BAZ2B: variants seen among roughly 807,000 people sequenced by gnomAD.
The protein encoded by BAZ2B is bromodomain adjacent to zinc finger domain protein 2B.
Under a neutral mutation model 246.0 loss-of-function variants are expected in BAZ2B, and 91 were observed. The observed-to-expected ratio is 0.37, with a 90% CI of 0.31 to 0.44. The LOEUF (loss-of-function observed/expected upper bound fraction) is 0.44. Among genes scored for constraint, BAZ2B ranks in the 20% least tolerant of loss-of-function variants. The pLI is 1.00. For synonymous variants in BAZ2B, 855 were observed against 860.0 expected (o/e 0.99, Z 0.10); for missense variants, 2,332 against 2,533.7 (o/e 0.92, Z 1.71).
chr2:159,553,554 C>T (rs2088650813), intron 2 of BAZ2B, among the ~76,000 whole-genome samples: 2 of 151,670 alleles, frequency 1.3e-5, no homozygotes, highest in South Asian at 2.1e-4. Flanking sequence ...TAAAAGGAAC[C>T]GAGCAATGCT....
chr2:159,701,202 G>A, the BAZ2B span, among the ~76,000 whole-genome samples: 5 of 152,126 alleles, frequency 3.3e-5, no homozygotes, highest in Admixed American at 2.6e-4. Flanking sequence ...TCTAGTGTCT[G>A]AGTCACAAAC....
At chr2:159,689,775 C>A in the BAZ2B span, 2 of 506,922 alleles carry the variant, frequency 3.9e-6, no homozygotes, top group Non-Finnish European at 7.1e-6. Context: ...TTATTGACCA[C>A]TTCTTTCAAG....
the BAZ2B span, among the ~76,000 whole-genome samples, chr2:159,632,572 G>C: frequency 0.54 from 82,723 of 152,000 alleles, 23,383 homozygotes; most frequent in East Asian, 0.74. Flanking sequence ...GTGCTACTGT[G>C]CATCTCGTCC....
At chr2:159,490,900 C>T (rs567301515) in intron 2 of BAZ2B, among the ~76,000 whole-genome samples, 19 of 152,196 alleles carry the variant, frequency 1.2e-4, no homozygotes, top group Admixed American at 2.6e-4. Flanking sequence ...TCTCCATTAA[C>T]GTAGGCAAGA....
At chr2:159,477,322 A>T (rs2078709104) in intron 3 of BAZ2B, among the ~76,000 whole-genome samples, 2 of 151,788 alleles carry the variant, frequency 1.3e-5, no homozygotes, top group South Asian at 2.1e-4. Context: ...TAAAAAAATT[A>T]AAAAATATAT....
chr2:159,613,103 T>C (rs981429526), intron 1 of BAZ2B, among the ~76,000 whole-genome samples: 1 of 152,132 alleles, frequency 6.6e-6, no homozygotes, highest in South Asian at 2.1e-4. Context: ...ATTCTAAAAA[T>C]TGTAAATAAA....
At chr2:159,380,009 T>TAC (rs35151742) in intron 25 of BAZ2B, among the ~76,000 whole-genome samples, 23,444 of 150,574 alleles carry the variant, frequency 0.16, 2,062 homozygotes, top group East Asian at 0.32. Flanking sequence ...CTCATATACA[T>TAC]ACACACACAC....
chr2:159,392,275 T>C (rs2063430277), intron 20 of BAZ2B: 1 of 152,196 alleles, frequency 6.6e-6, no homozygotes, highest in African/African-American at 2.4e-5. Context: ...GTCACAATAC[T>C]GTACCTTTGT....
At chr2:159,410,934 A>G (rs1192019949) in intron 14 of BAZ2B, among the ~76,000 whole-genome samples, 1 of 152,208 alleles carries the variant, frequency 6.6e-6, no homozygotes, top group Admixed American at 6.5e-5. Context: ...AAAAGGATAT[A>G]TATGTATATG....
At chr2:159,683,933 T>C in the BAZ2B span, among the ~76,000 whole-genome samples, 2 of 152,218 alleles carry the variant, frequency 1.3e-5, no homozygotes, top group African/African-American at 2.4e-5. Context: ...GAAATTCGAA[T>C]GTGGATATCT....
intron 27 of BAZ2B, among the ~76,000 whole-genome samples, chr2:159,368,218 T>C (rs1399204368): frequency 6.6e-6 from 1 of 152,124 alleles, no homozygotes; most frequent in Non-Finnish European, 1.5e-5. Context: ...CAGTCAGCCA[T>C]ATATATGTGA....
chr2:159,703,526 A>T, the BAZ2B span, among the ~76,000 whole-genome samples: 1 of 152,234 alleles, frequency 6.6e-6, no homozygotes, highest in Non-Finnish European at 1.5e-5. Context: ...ATGTAGTCAA[A>T]ATTAATCCTA....
intron 2 of BAZ2B, among the ~76,000 whole-genome samples, chr2:159,528,941 TC>T (rs981996435): frequency 8.6e-6 from 1 of 116,668 alleles, no homozygotes; most frequent in Non-Finnish European, 1.6e-5. Context: ...AAGGGGAACA[TC>T]ACACACCAGG....
intron 13 of BAZ2B, among the ~76,000 whole-genome samples, chr2:159,424,302 G>T (rs1010861755): frequency 6.6e-6 from 1 of 151,952 alleles, no homozygotes; most frequent in Non-Finnish European, 1.5e-5. Context: ...TGGGGGTGAG[G>T]GGACTTGTTT....
At chr2:159,684,522 A>ATTATCTCT in the BAZ2B span, among the ~76,000 whole-genome samples, 5 of 152,308 alleles carry the variant, frequency 3.3e-5, no homozygotes, top group African/African-American at 1.2e-4. Context: ...GATAGGATGA[A>ATTATCTCT]TTATCTCTTT....
At chr2:159,489,720 T>C (rs1230682199) in intron 2 of BAZ2B, among the ~76,000 whole-genome samples, 6 of 151,914 alleles carry the variant, frequency 3.9e-5, no homozygotes, top group Non-Finnish European at 7.4e-5. Context: ...CTAGGCAAAT[T>C]AGAAGAACCC....
chr2:159,342,371 C>T (rs925502643), intron 31 of BAZ2B, among the ~76,000 whole-genome samples: 1 of 152,176 alleles, frequency 6.6e-6, no homozygotes, highest in Non-Finnish European at 1.5e-5. Flanking sequence ...AAGGCAACTT[C>T]ACTTCTTGGG....
intron 3 of BAZ2B, among the ~76,000 whole-genome samples, chr2:159,466,502 C>T (rs1312070876): frequency 6.6e-6 from 1 of 152,106 alleles, no homozygotes; most frequent in East Asian, 1.9e-4. Flanking sequence ...AGTAAAACAA[C>T]ACCAAATGTC....
At chr2:159,656,204 T>C in the BAZ2B span, among the ~76,000 whole-genome samples, 2 of 152,158 alleles carry the variant, frequency 1.3e-5, no homozygotes, top group East Asian at 1.9e-4. Context: ...TTTAAAGCAA[T>C]TGTAGTTTTA....
Sources: gnomAD v4.1 joint callset for allele counts (sites outside exome capture counted in the v4.1 genomes callset) on GRCh38, gnomAD v4.1.1 for gene constraint, MANE v1.5 for transcripts, NCBI Gene and HGNC (gene_info 2026-07-23, HGNC 2026-07-21) for gene names.